The following GLYATL1 variants were observed in gnomAD, a reference collection of about 807,000 sequenced individuals.
The protein encoded by GLYATL1 is glycine-N-acyltransferase like 1.
GLYATL1 carries 15 observed loss-of-function variants against 20.0 expected under a neutral mutation model. The ratio of observed to expected loss-of-function variants is 0.75; its 90% confidence interval spans 0.50 to 1.15. The LOEUF (loss-of-function observed/expected upper bound fraction) is 1.15. Ranked by LOEUF, GLYATL1 falls within the 50% of genes most tolerant of loss-of-function variation. The probability of loss-of-function intolerance (pLI) is 0.00; values close to 1 mark genes in which losing one functional copy is unlikely to be tolerated. For synonymous variants in GLYATL1, 151 were observed against 131.5 expected (o/e 1.15, Z -1.01); for missense variants, 380 against 368.5 (o/e 1.03, Z -0.26).
At chr11:58,911,151 G>T (rs952610191), downstream of GLYATL1, among the ~76,000 whole-genome samples, 22 of 152,162 alleles carry the variant, frequency 1.4e-4, no homozygotes, top group Admixed American at 6.5e-4. Context: ...TGCATGCATT[G>T]ATAGGTTTTT....
At chr11:58,935,617 A>T (rs1384829274), upstream of GLYATL1, 1 of 152,178 alleles carries the variant, frequency 6.6e-6, no homozygotes, top group Non-Finnish European at 1.5e-5. Flanking sequence ...CATTTTGCTG[A>T]TGTCCAGTTT....
exon 1 of GLYATL1, chr11:58,905,544 C>T (rs780282117): frequency 3.3e-5 from 15 of 456,198 alleles, no homozygotes; most frequent in East Asian, 6.9e-5. Context: ...AGCGCGAAAC[C>T]GCCAGGCATC....
chr11:58,940,828 A>G (rs987142693), intron 1 of GLYATL1, among the ~76,000 whole-genome samples: 4 of 152,160 alleles, frequency 2.6e-5, no homozygotes, highest in African/African-American at 9.7e-5. Flanking sequence ...TTAGCCAAGC[A>G]CAGTGATTCA....
Position 58,943,677 on chromosome 11 carries a change from T to C in GLYATL1, c.-43+11T>C. ...GGCTGAGGATAATAGGTAAGCTCCC[T>C]CTCGCATTTTGGAGCTTCACACGTT... On this transcript the variant is annotated intron_variant, in intron 2 of 6. Coordinates refer to ENST00000532726, the MANE Select transcript of GLYATL1 (RefSeq NM_001389712.2). 1 of 1,610,898 alleles carries C rather than the reference T, an allele frequency of 6.2e-7. No individual in the cohort carries two copies. The highest frequency in any genetic ancestry group is 8.5e-7 in the Non-Finnish European group (1 of 1,178,698).
intron 1 of GLYATL1, 63 bp from the exon 2 acceptor site, chr11:58,943,480 A>T (rs1320927805): frequency 6.5e-7 from 1 of 1,540,520 alleles, no homozygotes. Flanking sequence ...CGGATTCACA[A>T]ATTGTTTGTT....
chr11:58,924,176 C>T (rs1855371313), upstream of GLYATL1, among the ~76,000 whole-genome samples: 1 of 152,216 alleles, frequency 6.6e-6, no homozygotes, highest in Non-Finnish European at 1.5e-5. Context: ...ATAGAATTAA[C>T]AACAGAAGCT....
At chr11:58,922,502 G>A (rs1395156231) in intron 1 of GLYATL1, among the ~76,000 whole-genome samples, 2 of 152,186 alleles carry the variant, frequency 1.3e-5, no homozygotes, top group African/African-American at 4.8e-5. Context: ...GAGATGGCCT[G>A]CCTGATGTTC....
chr11:58,912,202 G>T (rs886120648), downstream of GLYATL1, among the ~76,000 whole-genome samples: 15 of 152,166 alleles, frequency 9.9e-5, no homozygotes, highest in Non-Finnish European at 1.8e-4. Context: ...GGTACAGCAG[G>T]GATTGGGGTT....
chr11:58,929,138 G>A (rs1316346465), intron 1 of GLYATL1, among the ~76,000 whole-genome samples: 1 of 152,168 alleles, frequency 6.6e-6, no homozygotes, highest in Admixed American at 6.5e-5. Context: ...CAACAATCCA[G>A]CACAATGGTG....
At chr11:58,926,181 G>A (rs56985137), upstream of GLYATL1, among the ~76,000 whole-genome samples, 429 of 152,318 alleles carry the variant, frequency 2.8e-3, 17 homozygotes, top group East Asian at 0.068. Context: ...GTGCCTGTGA[G>A]CTGGCAATCT....
chr11:58,941,034 A>G (rs893193283), intron 1 of GLYATL1, among the ~76,000 whole-genome samples: 3 of 151,526 alleles, frequency 2.0e-5, no homozygotes, highest in Non-Finnish European at 3.0e-5. Context: ...GGGGAGGAGT[A>G]GTAATTTTTT....
intron 1 of GLYATL1, chr11:58,905,688 G>A (rs1488682559): frequency 2.2e-6 from 1 of 452,754 alleles, no homozygotes; most frequent in Non-Finnish European, 4.4e-6. Context: ...TGTGGACCGA[G>A]TGGTTCGGGG....
intron 1 of GLYATL1, 173 bp from the exon 2 acceptor site, chr11:58,943,370 T>C: frequency 1.3e-6 from 2 of 1,546,784 alleles, no homozygotes; most frequent in East Asian, 2.4e-5. Flanking sequence ...ACCTGATTTC[T>C]GGTTCCTGTA....
In GLYATL1 at chr11:58,955,258, C is replaced by G. The variant is rs149718414; in HGVS notation, c.396C>G (p.Leu132=). Residue 132 remains leucine, a synonymous_variant, in exon 6 of 7, where the codon CTC becomes CTG. Transcript: ENST00000532726. ...SVKVEHSRAL[L]LVTEDILKLN... Reference sequence around the variant, plus strand: ...AAGTAGAGCATTCGAGAGCACTCCTCTTGGTTACGGAAGATATTCTGAAGC... The same window carrying G: ...AAGTAGAGCATTCGAGAGCACTCCTGTTGGTTACGGAAGATATTCTGAAGC... The G allele has an allele frequency of 1.1e-3, 1,788 of 1,614,108 alleles. 21 individuals carry two copies. The African/African-American group carries it at 0.021, about 19-fold the overall frequency.
chr11:58,907,964 T>C (rs899626980), exon 2 of GLYATL1: 1 of 153,286 alleles, frequency 6.5e-6, no homozygotes, highest in African/African-American at 2.4e-5. Flanking sequence ...CTGTCCTGTA[T>C]GAGCCTCAGA....
At chr11:58,942,921 C>T (rs919101004) in intron 1 of GLYATL1, among the ~76,000 whole-genome samples, 1 of 151,996 alleles carries the variant, frequency 6.6e-6, no homozygotes, top group African/African-American at 2.4e-5. Flanking sequence ...GAAACCAAGT[C>T]CATTAAAGGA....
intron 1 of GLYATL1, among the ~76,000 whole-genome samples, chr11:58,915,125 T>C (rs535991366): frequency 1.3e-5 from 2 of 152,348 alleles, no homozygotes; most frequent in East Asian, 3.9e-4. Flanking sequence ...TTGCTCTAAA[T>C]TCTGCTGATT....
At chr11:58,947,468 G>T in intron 3 of GLYATL1, 3 of 478,832 alleles carry the variant, frequency 6.3e-6, no homozygotes, top group African/African-American at 5.8e-5. Flanking sequence ...TAGTCAGATG[G>T]CTTTGTGGAT....
chr11:58,943,799 G>A (rs1032359952), intron 2 of GLYATL1, 133 bp downstream of exon 2: 3 of 1,343,482 alleles, frequency 2.2e-6, no homozygotes, highest in Non-Finnish European at 2.0e-6. Context: ...GAACAGATTT[G>A]ATCTTGGAAT....
Sources: allele counts gnomAD v4.1 joint callset (sites outside exome capture counted in the v4.1 genomes callset), GRCh38; gene constraint gnomAD v4.1.1; transcripts MANE v1.5; gene names NCBI Gene and HGNC (gene_info 2026-07-23, HGNC 2026-07-21).